Variants in PSKH2 observed in about 807,000 individuals in gnomAD.
PSKH2 encodes the protein serine/threonine-protein kinase H2.
In PSKH2, 16 loss-of-function variants were observed where a neutral mutation model predicts 22.5. That is an observed-to-expected ratio of 0.71 (90% CI 0.48 to 1.08). PSKH2 has a LOEUF of 1.08. Among genes scored for constraint, PSKH2 ranks in the 50% least tolerant of loss-of-function variants. PSKH2 has a pLI of 0.00. For synonymous variants in PSKH2, 188 were observed against 184.8 expected (o/e 1.02, Z -0.14); for missense variants, 516 against 492.8 (o/e 1.05, Z -0.44).
chr8:86,049,865 G>A (rs7012311), intron 2 of PSKH2, among the ~76,000 whole-genome samples: 2 of 141,618 alleles, frequency 1.4e-5, no homozygotes, highest in Non-Finnish European at 3.1e-5. Context: ...AAAGAAAGAA[G>A]GAAAGGAGGG....
chr8:86,067,003 C>T (rs554470474), intron 1 of PSKH2, among the ~76,000 whole-genome samples: 2 of 152,246 alleles, frequency 1.3e-5, no homozygotes, highest in South Asian at 2.1e-4. Context: ...TTTGTAAATG[C>T]TAATTTATCG....
chr8:86,069,066 T>G (rs1296179262), intron 1 of PSKH2, among the ~76,000 whole-genome samples: 1 of 152,142 alleles, frequency 6.6e-6, no homozygotes, highest in Non-Finnish European at 1.5e-5. Context: ...AGAAAGTTTT[T>G]AAGCGCTGGG....
rs1817543101 is a variant in PSKH2 at position 86,047,480 on chromosome 8, T to C, written c.*982A>G. On this transcript the variant is annotated 3_prime_UTR_variant, in exon 3 of 3. Transcript: ENST00000276616. Reference sequence around the variant, plus strand: ...TAAATGTCATTCTAACATTTTATTATTTTTCTGAATAAAATAAGCAATATC... The same window carrying C: ...TAAATGTCATTCTAACATTTTATTACTTTTCTGAATAAAATAAGCAATATC... Among the ~76,000 whole-genome samples, 1 of 152,162 alleles carries C rather than the reference T, an allele frequency of 6.6e-6. No homozygotes were observed. The highest frequency in any genetic ancestry group is 2.1e-4 in the South Asian group (1 of 4,832).
At chr8:86,051,305 C>T (rs1817626893) in intron 2 of PSKH2, among the ~76,000 whole-genome samples, 1 of 152,124 alleles carries the variant, frequency 6.6e-6, no homozygotes, top group Non-Finnish European at 1.5e-5. Flanking sequence ...CCAGGCTGGT[C>T]TCAAACTCCT....
At chr8:86,059,509 A>G (rs1586062347) in intron 2 of PSKH2, among the ~76,000 whole-genome samples, 1 of 152,188 alleles carries the variant, frequency 6.6e-6, no homozygotes, top group Non-Finnish European at 1.5e-5. Context: ...TCCTTGCCTC[A>G]TGACCCCTCT....
At chr8:86,049,951 C>G (rs1312383794) in intron 2 of PSKH2, among the ~76,000 whole-genome samples, 1 of 152,058 alleles carries the variant, frequency 6.6e-6, no homozygotes, top group Non-Finnish European at 1.5e-5. Flanking sequence ...TCCCAATCAG[C>G]TGAGAACAAA....
At position 86,069,483 on chromosome 8, in the gene PSKH2, T is replaced by C. The variant is rs756608232; in HGVS notation, c.140A>G (p.Gln47Arg). 7 of 1,608,912 alleles carry C rather than the reference T, an allele frequency of 4.4e-6. No individual in the cohort carries two copies. The East Asian group carries it at 1.1e-4, about 26-fold the overall frequency. Residue 47 changes from glutamine to arginine, a missense_variant, in exon 1 of 3, where the codon CAG (glutamine) becomes CGG (arginine). Coordinates refer to ENST00000276616, the MANE Select transcript of PSKH2 (RefSeq NM_033126.3). ...EAAAQAAQRI[Q>R]VARFRAKFDP... ...GAACTTGGCTCGGAAGCGAGCCACC[T>C]GTATCCTCTGCGCCGCCTGGGCCGC...
intron 2 of PSKH2, among the ~76,000 whole-genome samples, chr8:86,053,862 T>TGA (rs1817665601): frequency 6.6e-6 from 1 of 152,090 alleles, no homozygotes; most frequent in Non-Finnish European, 1.5e-5. Context: ...GGTAACATAG[T>TGA]GAGACACTGT....
rs1237934438 is a variant in PSKH2 at position 86,064,020 on chromosome 8, C to T, written c.797G>A (p.Ser266Asn). 1 of 1,614,024 alleles carries T rather than the reference C, an allele frequency of 6.2e-7. No homozygotes were observed. Among genetic ancestry groups the T allele is most frequent in the Admixed American group, 1.7e-5 (1 of 59,982 alleles). Residue 266 changes from serine (S) to asparagine (N), a missense_variant, in exon 2 of 3, where the codon AGC becomes AAC. Ser to Asn is a conservative substitution (Grantham distance 46). Coordinates refer to ENST00000276616, the MANE Select transcript of PSKH2 (RefSeq NM_033126.3). ...LSGFLPFDDE[S>N]QTRLYRKILK... ...AATCTTCCTGTAAAGCCTTGTCTGG[C>T]TTTCATCATCAAAAGGCAGGAATCC...
At chr8:86,048,961 C>T (rs1313978757) in intron 2 of PSKH2, among the ~76,000 whole-genome samples, 194 bp from the exon 3 acceptor site, 1 of 152,104 alleles carries the variant, frequency 6.6e-6, no homozygotes, top group African/African-American at 2.4e-5. Flanking sequence ...AAAGAAAAAA[C>T]TTTCACAGAA....
intron 2 of PSKH2, among the ~76,000 whole-genome samples, chr8:86,059,016 T>C (rs940510648): frequency 1.3e-5 from 2 of 152,176 alleles, no homozygotes; most frequent in African/African-American, 4.8e-5. Context: ...CTTAGCTCAC[T>C]GCAACCTAGA....
chr8:86,048,623 G>A lies in PSKH2; in HGVS notation c.997C>T (p.Gln333Ter). ...MAAGSSMKNL[Q>*]RAISRNLMQR... ...ATGAGGTTTCGGGATATGGCCCTCT[G>A]GAGATTCTTCATGGAAGACCCTGCA... Residue 333 changes from glutamine (Q) to a stop codon, truncating the protein, a stop_gained, in exon 3 of 3, where the codon CAG becomes TAG. Transcript: ENST00000276616. LOFTEE classifies it low-confidence loss of function (END_TRUNC). 6.2e-7 allele frequency: 1 copy of A among 1,614,122 alleles called. No individual in the cohort carries two copies. The highest frequency in any genetic ancestry group is 8.5e-7 in the Non-Finnish European group (1 of 1,180,024).
At chr8:86,049,159 C>T (rs1319802529) in intron 2 of PSKH2, among the ~76,000 whole-genome samples, 1 of 152,162 alleles carries the variant, frequency 6.6e-6, no homozygotes, top group African/African-American at 2.4e-5. Flanking sequence ...TCAGTGTTTG[C>T]AACACTGTGG....
At chr8:86,057,489 C>T (rs997546755) in intron 2 of PSKH2, among the ~76,000 whole-genome samples, 3 of 152,012 alleles carry the variant, frequency 2.0e-5, no homozygotes, top group Admixed American at 6.6e-5. Context: ...CGGGTTCAAG[C>T]GATTCTCCTG....
chr8:86,063,735 G>A (rs1817810368), intron 2 of PSKH2, among the ~76,000 whole-genome samples: 1 of 152,164 alleles, frequency 6.6e-6, no homozygotes, highest in African/African-American at 2.4e-5. Flanking sequence ...CTCAGTCAGG[G>A]GCGATTTTGC....
intron 2 of PSKH2, among the ~76,000 whole-genome samples, chr8:86,049,575 G>GGA (rs10648162): frequency 0.31 from 38,742 of 126,970 alleles, 6,950 homozygotes; most frequent in East Asian, 0.47. Context: ...GAAAGAAAGA[G>GGA]GAGAGAGAGA....
rs141090201 is a variant in PSKH2 at position 86,065,347 on chromosome 8, T to C, written c.186-716A>G. 2.0e-5 allele frequency among the ~76,000 whole-genome samples: 3 copies of C among 152,326 alleles called. No homozygotes were observed. In the East Asian group the frequency reaches 5.8e-4, roughly 29 times the overall value. ...AGAAGTAAATGCAGCTGTGCTATTA[T>C]AAGAGCCGGTTTCAGCAGTCTGGTG... On this transcript the variant is annotated intron_variant, in intron 1 of 2. Transcript: ENST00000276616.
intron 2 of PSKH2, among the ~76,000 whole-genome samples, 164 bp downstream of exon 2, chr8:86,063,801 G>A (rs1406835416): frequency 6.6e-6 from 1 of 152,184 alleles, no homozygotes; most frequent in African/African-American, 2.4e-5. Flanking sequence ...ACAACTGGGG[G>A]AGGTACATTA....
rs1363916280 is a variant in PSKH2 at position 86,069,632 on chromosome 8, A to C, written c.-10T>G. Reference sequence around the variant, plus strand: ...TGGCGCCGCACCCCATACCCGCAACACGCCCGCCGCTCGCGGGACCTGGGG... The same window carrying C: ...TGGCGCCGCACCCCATACCCGCAACCCGCCCGCCGCTCGCGGGACCTGGGG... On this transcript the variant is annotated 5_prime_UTR_variant, in exon 1 of 3. Coordinates refer to ENST00000276616, the MANE Select transcript of PSKH2 (RefSeq NM_033126.3). 1 of 1,511,776 alleles carries C rather than the reference A, an allele frequency of 6.6e-7. No homozygotes were observed. The highest frequency in any genetic ancestry group is 8.8e-7 in the Non-Finnish European group (1 of 1,135,248). 93.6% of individuals were successfully genotyped at this position (1,511,776 alleles called of 1,614,324 possible). A position where few individuals can be genotyped will look rare whatever the true frequency, so the allele number is the denominator to read the frequency against.
Sources: gnomAD v4.1 joint callset for allele counts (sites outside exome capture counted in the v4.1 genomes callset) on GRCh38, gnomAD v4.1.1 for gene constraint, MANE v1.5 for transcripts, NCBI Gene and HGNC (gene_info 2026-07-23, HGNC 2026-07-21) for gene names.